Variants in EFCAB7 observed in about 807,000 individuals in gnomAD.
EFCAB7 encodes the protein EF-hand calcium binding domain 7, also known as EF-hand calcium-binding domain-containing protein 7.
In EFCAB7, 66 loss-of-function variants were observed where a neutral mutation model predicts 77.1. The observed-to-expected ratio is 0.86, with a 90% CI of 0.70 to 1.05. The LOEUF is 1.05. EFCAB7 is among the 50% of genes least tolerant of loss of function. The pLI is 0.00. For synonymous variants in EFCAB7, 225 were observed against 243.3 expected, an observed-to-expected ratio of 0.92 and a Z score of 0.70; for missense variants, 638 against 730.5, an observed-to-expected ratio of 0.87 and a Z score of 1.46.
chr1:63,571,211 A>G (rs1647248450), intron 13 of EFCAB7, 83 bp downstream of exon 13: 3 of 856,664 alleles, frequency 3.5e-6, no homozygotes, highest in Non-Finnish European at 5.6e-6. Flanking sequence ...TAAAATGTAA[A>G]TATAAAATGG....
At chr1:63,531,134 G>GACCA (rs1646688456) in intron 2 of EFCAB7, among the ~76,000 whole-genome samples, 1 of 151,946 alleles carries the variant, frequency 6.6e-6, no homozygotes, top group African/African-American at 2.4e-5. Context: ...TGTACCCATT[G>GACCA]ACCAACCTCT....
intron 11 of EFCAB7, among the ~76,000 whole-genome samples, chr1:63,565,085 G>C (rs900980252): frequency 6.6e-6 from 1 of 152,178 alleles, no homozygotes; most frequent in Admixed American, 6.5e-5. Context: ...GATGGCTCAC[G>C]CCTGTAATCC....
rs762547387 is a variant in EFCAB7 at position 63,533,501 on chromosome 1, A to G, written c.534A>G (p.Thr178=). 3 of 1,611,762 alleles carry G rather than the reference A, an allele frequency of 1.9e-6. No homozygotes were observed. The Admixed American group carries it at 5.1e-5, about 27-fold the overall frequency. Reference sequence around the variant, plus strand: ...CCAACGAGCAATGTCTCAAGACTACACTAGAAAAACTAGAGGTTGACAGTA... The same window carrying G: ...CCAACGAGCAATGTCTCAAGACTACGCTAGAAAAACTAGAGGTTGACAGTA... ...MTTNEQCLKT[T]LEKLEVDSKL... is the part of the protein sequence containing the mutation. Residue 178 remains threonine (T), a synonymous_variant, in exon 5 of 14, where the codon ACA becomes ACG. Transcript: ENST00000371088.
intron 3 of EFCAB7, 28 bp from the exon 4 acceptor site, chr1:63,532,642 T>G (rs774106386): frequency 6.4e-7 from 1 of 1,562,388 alleles, no homozygotes; most frequent in Admixed American, 2.0e-5. Context: ...CATGTTGCTT[T>G]AAAATAAATC....
chr1:63,582,209 C>A, the EFCAB7 span, among the ~76,000 whole-genome samples: 3 of 152,156 alleles, frequency 2.0e-5, no homozygotes, highest in Non-Finnish European at 4.4e-5. Flanking sequence ...ATATTGTAAA[C>A]CTTGTCTAAC....
Position 63,533,450 on chromosome 1 carries a change from G to A in EFCAB7, c.487-4G>A. 7.6e-6 allele frequency: 12 copies of A among 1,588,512 alleles called. No homozygotes were observed. The highest frequency in any genetic ancestry group is 1.0e-5 in the Non-Finnish European group (12 of 1,172,432). On this transcript the variant is annotated splice_region_variant and splice_polypyrimidine_tract_variant and intron_variant, in intron 4 of 13. Coordinates refer to ENST00000371088, the MANE Select transcript of EFCAB7 (RefSeq NM_032437.4). ...TTACCCACTGGACTTTTTTTTTCCT[G>A]TAGTTTTGTAAATTATATATGACAA...
chr1:63,531,942 A>G lies in EFCAB7; in HGVS notation c.310A>G (p.Lys104Glu), dbSNP rs776785942. 1 of 1,613,116 alleles carries G rather than the reference A, an allele frequency of 6.2e-7. No individual in the cohort carries two copies. Among genetic ancestry groups the G allele is most frequent in the Admixed American group, 1.7e-5 (1 of 59,960 alleles). Residue 104 changes from lysine to glutamate, a missense_variant, in exon 3 of 14, where the codon AAA (lysine) becomes GAA (glutamate). By Grantham distance (56) the Lys-to-Glu change is moderately conservative. Transcript: ENST00000371088. Reference protein sequence around the residue: ...IILRKEKPTSKAELLKSFKQL... With the variant: ...IILRKEKPTSEAELLKSFKQL... ...TTTAAGGAAGGAAAAACCTACTTCA[A>G]AAGCAGAACTACTAAAATCATTTAA...
intron 6 of EFCAB7, among the ~76,000 whole-genome samples, chr1:63,542,773 T>C (rs929214606): frequency 3.9e-5 from 6 of 152,226 alleles, no homozygotes; most frequent in Admixed American, 1.3e-4. Flanking sequence ...AGGTGATCAT[T>C]TGATGATTCC....
chr1:63,557,252 G>A lies in EFCAB7; in HGVS notation c.1348+5G>A, dbSNP rs41311162. ...ATGCTTGGGCTGTCTGCAGAGGTAAGCACTTTTCTTTTCCTTAACAGATGT... is the reference window on the plus strand; with the variant it reads ...ATGCTTGGGCTGTCTGCAGAGGTAAACACTTTTCTTTTCCTTAACAGATGT... On this transcript the variant is annotated splice_donor_5th_base_variant and intron_variant, in intron 10 of 13. Coordinates refer to ENST00000371088, the MANE Select transcript of EFCAB7 (RefSeq NM_032437.4). The A allele has an allele frequency of 2.1e-3, 3,374 of 1,591,716 alleles. 5 individuals carry two copies. The highest frequency in any genetic ancestry group is 2.6e-3 in the Non-Finnish European group (3,098 of 1,174,768).
chr1:63,568,177 C>G, intron 11 of EFCAB7, 133 bp from the exon 12 acceptor site: 1 of 704,304 alleles, frequency 1.4e-6, no homozygotes. Context: ...ATTCATAGTA[C>G]TAAAATTTTC....
intron 11 of EFCAB7, among the ~76,000 whole-genome samples, chr1:63,562,977 C>A (rs1647127234): frequency 6.6e-6 from 1 of 152,070 alleles, no homozygotes. Context: ...GAGAGGTTCT[C>A]TATTCTTTCC....
At chr1:63,540,584 C>T (rs1646816980) in intron 6 of EFCAB7, among the ~76,000 whole-genome samples, 1 of 152,034 alleles carries the variant, frequency 6.6e-6, no homozygotes, top group Non-Finnish European at 1.5e-5. Flanking sequence ...CTCTGGCTAC[C>T]TCAATTTTTC....
At chr1:63,583,301 C>T in the EFCAB7 span, among the ~76,000 whole-genome samples, 1 of 152,176 alleles carries the variant, frequency 6.6e-6, no homozygotes, top group Non-Finnish European at 1.5e-5. Flanking sequence ...CAATGCCCTA[C>T]CCTCCGCAGC....
chr1:63,558,932 T>G (rs1647061098), intron 10 of EFCAB7, among the ~76,000 whole-genome samples: 1 of 151,350 alleles, frequency 6.6e-6, no homozygotes, highest in Non-Finnish European at 1.5e-5. Context: ...CCTATAATCC[T>G]AGCACTCTGG....
At chr1:63,534,597 T>C (rs533748219) in intron 6 of EFCAB7, among the ~76,000 whole-genome samples, 7 of 152,136 alleles carry the variant, frequency 4.6e-5, no homozygotes, top group Admixed American at 1.3e-4. Flanking sequence ...AAGTCAATAT[T>C]TGTAGAGTGT....
chr1:63,572,060 T>G (rs1647278140), intron 13 of EFCAB7, among the ~76,000 whole-genome samples: 1 of 152,226 alleles, frequency 6.6e-6, no homozygotes, highest in Non-Finnish European at 1.5e-5. Flanking sequence ...TCTTACCCTT[T>G]CTTTCTCCAT....
At chr1:63,549,725 C>A in intron 7 of EFCAB7, 1 of 219,812 alleles carries the variant, frequency 4.5e-6, no homozygotes, top group Non-Finnish European at 9.2e-6. Flanking sequence ...CTTATAACTT[C>A]CATTGTCTTT....
chr1:63,568,297 T>G lies in EFCAB7; in HGVS notation c.1498-13T>G. ...TATCAAAAGGCTGAAACAAGATTTT[T>G]TTTTCCTATCAGGCATGTCCATTTG... On this transcript the variant is annotated splice_polypyrimidine_tract_variant and intron_variant, in intron 11 of 13. Transcript: ENST00000371088. 1 of 1,581,130 alleles carries G rather than the reference T, an allele frequency of 6.3e-7. No individual in the cohort carries two copies. The highest frequency in any genetic ancestry group is 1.9e-5 in the Admixed American group (1 of 53,452).
chr1:63,562,643 G>A (rs1319138057), intron 11 of EFCAB7, among the ~76,000 whole-genome samples: 1 of 148,872 alleles, frequency 6.7e-6, no homozygotes, highest in Non-Finnish European at 1.5e-5. Context: ...AGGACTACAG[G>A]TGCATGCCCC....
Sources: allele counts gnomAD v4.1 joint callset (sites outside exome capture counted in the v4.1 genomes callset), GRCh38; gene constraint gnomAD v4.1.1; transcripts MANE v1.5; gene names NCBI Gene and HGNC (gene_info 2026-07-23, HGNC 2026-07-21).